ARID3A: variants seen among roughly 807,000 people sequenced by gnomAD.
ARID3A encodes the protein AT-rich interactive domain-containing protein 3A.
ARID3A carries 11 observed loss-of-function variants against 52.7 expected under a neutral mutation model. The ratio of observed to expected loss-of-function variants is 0.21; its 90% CI spans 0.13 to 0.35. The LOEUF is 0.35. Ranked by LOEUF, ARID3A falls within the 10% of genes least tolerant of loss-of-function variation. The pLI is 1.00. For missense variants in ARID3A, 721 were observed against 838.5 expected (o/e 0.86, Z 1.73); for synonymous variants, 404 against 359.4 (o/e 1.12, Z -1.40).
At chr19:970,498 CTTTTTTTT>C (rs1177419405) in intron 8 of ARID3A, among the ~76,000 whole-genome samples, 6 of 88,346 alleles carry the variant, frequency 6.8e-5, no homozygotes, top group East Asian at 5.8e-4. Context: ...AATAGTTTTT[CTTTTTTTT>C]TTTTTTTTTT....
Position 973,389 on chromosome 19 carries a change from C to T in ARID3A, c.*1324C>T. The T allele has an allele frequency of 5.3e-6, 1 of 187,128 alleles. No individual in the cohort carries two copies. Among genetic ancestry groups the T allele is most frequent in the Non-Finnish European group, 1.1e-5 (1 of 88,624 alleles). 11.6% of individuals were successfully genotyped at this position (187,128 alleles called of 1,614,324 possible). A position where few individuals can be genotyped will look rare whatever the true frequency, so the allele number is the denominator to read the frequency against. ...TTGGCCTCCCAAAGTGCTGGGATTA[C>T]AGGCATGAGCCGCCACGCTGGCCCG... On this transcript the variant is annotated 3_prime_UTR_variant, in exon 9 of 9. Coordinates refer to ENST00000263620, the MANE Select transcript of ARID3A (RefSeq NM_005224.3).
rs965296147 is a variant in ARID3A at position 935,545 on chromosome 19, C to G, written c.693+2803C>G. On this transcript the variant is annotated intron_variant, in intron 3 of 8. Transcript: ENST00000263620. ...TAGGCTGGAGTGTAGTGGTGCTGTC[C>G]TAACTCACTGCAGCCTCGATCTCCT... Among the ~76,000 whole-genome samples the G allele has an allele frequency of 3.3e-5, 5 of 152,068 alleles. No individual in the cohort carries two copies. In the East Asian group the frequency reaches 9.6e-4, roughly 29 times the overall value.
rs2038355981 is a variant in ARID3A at position 975,217 on chromosome 19, G to A, written c.*3152G>A. On this transcript the variant is annotated 3_prime_UTR_variant, in exon 9 of 9. Coordinates refer to ENST00000263620, the MANE Select transcript of ARID3A (RefSeq NM_005224.3). ...GGGTTCTAGTTCACTTGGGACCGTG[G>A]GGCCTGGCTGCGTACTGAGTGGGTG... 8.6e-6 allele frequency: 2 copies of A among 231,918 alleles called. No homozygotes were observed. The highest frequency in any genetic ancestry group is 4.4e-5 in the African/African-American group (2 of 45,238). 14.4% of individuals were successfully genotyped at this position (231,918 alleles called of 1,614,324 possible).
At position 964,764 on chromosome 19, in the gene ARID3A, T is replaced by G; in HGVS notation, c.951-69T>G. 5 of 1,556,954 alleles carry G rather than the reference T, an allele frequency of 3.2e-6. No individual in the cohort carries two copies. Among genetic ancestry groups the G allele is most frequent in the Non-Finnish European group, 4.4e-6 (5 of 1,148,174 alleles). ...GGTGGTGCCACAGTGGGGTTTACTT[T>G]GTACTGAAGGCCAAAGAGAGCCGTA... is the stretch of plus-strand genomic sequence containing the variant. On this transcript the variant is annotated intron_variant, in intron 5 of 8. Coordinates refer to ENST00000263620, the MANE Select transcript of ARID3A (RefSeq NM_005224.3). The surrounding 1 kb of genome is among the most constrained non-coding windows in gnomAD (Gnocchi z 5.7).
chr19:962,206 T>G (rs1454048515), intron 4 of ARID3A, among the ~76,000 whole-genome samples: 1 of 152,104 alleles, frequency 6.6e-6, no homozygotes, highest in African/African-American at 2.4e-5. Flanking sequence ...AATCTTCCTC[T>G]CCTTCACTCC....
At position 932,762 on chromosome 19, in the gene ARID3A, G is replaced by A. The variant is rs1461763418; in HGVS notation, c.693+20G>A. The A allele has an allele frequency of 5.6e-5, 87 of 1,546,112 alleles. No individual in the cohort carries two copies. Among genetic ancestry groups the A allele is most frequent in the African/African-American group, 8.2e-5 (6 of 72,736 alleles). On this transcript the variant is annotated intron_variant, in intron 3 of 8. Transcript: ENST00000263620. Reference sequence around the variant, plus strand: ...AAGCAGGTGAGTGGGCGCGTCCCGCGTGGCGGCTGAGGCACCTGCTCCTGG... The same window carrying A: ...AAGCAGGTGAGTGGGCGCGTCCCGCATGGCGGCTGAGGCACCTGCTCCTGG...
intron 1 of ARID3A, chr19:928,773 G>C (rs1205655933): frequency 6.6e-6 from 1 of 152,274 alleles, no homozygotes; most frequent in African/African-American, 2.4e-5. Context: ...CTTGGGCGTT[G>C]CTGTTGAGTT....
chr19:953,604 G>A (rs1221399015), intron 3 of ARID3A, among the ~76,000 whole-genome samples: 2 of 152,204 alleles, frequency 1.3e-5, no homozygotes, highest in Admixed American at 1.3e-4. Context: ...CTTCTGGGAA[G>A]AAAACCAAAG....
chr19:928,882 G>C (rs1296322187), intron 1 of ARID3A: 1 of 152,230 alleles, frequency 6.6e-6, no homozygotes, highest in Non-Finnish European at 1.5e-5. Context: ...CTGGAGGCCA[G>C]GCTGGGCCGC....
intron 3 of ARID3A, among the ~76,000 whole-genome samples, chr19:958,956 A>C (rs916418532): frequency 8.5e-5 from 13 of 152,124 alleles, no homozygotes; most frequent in African/African-American, 3.1e-4. Flanking sequence ...ACGCACAGAC[A>C]CTCATGCTCA....
In ARID3A at chr19:942,307, G is replaced by A. The variant is rs2037573480; in HGVS notation, c.693+9565G>A. ...TTACCTGACTGTCGATCCTGACTGG[G>A]GCGGTGGCGACATGGCCCCCGCAGC... On this transcript the variant is annotated intron_variant, in intron 3 of 8. Transcript: ENST00000263620. The surrounding 1 kb of genome is among the most constrained non-coding windows in gnomAD (Gnocchi z 8.1). 6.6e-6 allele frequency among the ~76,000 whole-genome samples: 1 copy of A among 152,174 alleles called. No individual in the cohort carries two copies. Among genetic ancestry groups the A allele is most frequent in the African/African-American group, 2.4e-5 (1 of 41,444 alleles).
intron 3 of ARID3A, among the ~76,000 whole-genome samples, chr19:953,285 G>A (rs1052162848): frequency 2.0e-5 from 3 of 152,120 alleles, no homozygotes; most frequent in African/African-American, 7.2e-5. Flanking sequence ...TCAACGTTTC[G>A]CCACAAACAA....
chr19:966,130 C>T (rs1164650994), intron 6 of ARID3A, among the ~76,000 whole-genome samples: 1 of 150,476 alleles, frequency 6.6e-6, no homozygotes, highest in East Asian at 2.0e-4. Flanking sequence ...CACTGCCCTC[C>T]AGCCTAAGCA....
rs912575461 is a variant in ARID3A at position 942,002 on chromosome 19, G to T, written c.693+9260G>T. Among the ~76,000 whole-genome samples the T allele has an allele frequency of 6.6e-6, 1 of 152,100 alleles. No individual in the cohort carries two copies. Among genetic ancestry groups the T allele is most frequent in the African/African-American group, 2.4e-5 (1 of 41,414 alleles). On this transcript the variant is annotated intron_variant, in intron 3 of 8. Transcript: ENST00000263620. The surrounding 1 kb of genome is among the most constrained non-coding windows in gnomAD (Gnocchi z 8.1). ...TCGCGGTGGGGCCTATTAACCATTA[G>T]ACCCCCGGGGCTGCTAGAGAGTGGC...
At chr19:968,267 G>A in intron 7 of ARID3A, 138 bp from the exon 8 acceptor site, 2 of 607,046 alleles carry the variant, frequency 3.3e-6, no homozygotes. Flanking sequence ...GCTGAGGCAG[G>A]AGAATGGCGT....
chr19:934,760 C>T (rs761148423), intron 3 of ARID3A, among the ~76,000 whole-genome samples: 10 of 152,070 alleles, frequency 6.6e-5, no homozygotes, highest in East Asian at 1.9e-4. Context: ...GGGAGGCCCC[C>T]GCCCTGCAGT....
chr19:954,635 C>A (rs985719455), intron 3 of ARID3A, among the ~76,000 whole-genome samples: 3 of 152,100 alleles, frequency 2.0e-5, no homozygotes, highest in Non-Finnish European at 2.9e-5. Context: ...GAGCCAGAAA[C>A]CCCGTGAGGC....
Position 947,112 on chromosome 19 carries a change from T to A in ARID3A, c.694-12980T>A, listed in dbSNP as rs1599402236. Reference sequence around the variant, plus strand: ...GCCCAGCCCACACTGAGATTCTGCATTGAAATGTTTGCTGGGTGCCCCCCA... The same window carrying A: ...GCCCAGCCCACACTGAGATTCTGCAATGAAATGTTTGCTGGGTGCCCCCCA... On this transcript the variant is annotated intron_variant, in intron 3 of 8. Transcript: ENST00000263620. The surrounding 1 kb of genome is among the most constrained non-coding windows in gnomAD (Gnocchi z 6.3). Among the ~76,000 whole-genome samples the A allele has an allele frequency of 6.6e-6, 1 of 152,080 alleles. No homozygotes were observed. Among genetic ancestry groups the A allele is most frequent in the Admixed American group, 6.5e-5 (1 of 15,268 alleles).
In ARID3A at chr19:944,401, A is replaced by C. The variant is rs1248517731; in HGVS notation, c.693+11659A>C. Among the ~76,000 whole-genome samples, 1 of 150,944 alleles carries C rather than the reference A, an allele frequency of 6.6e-6. No individual in the cohort carries two copies. The highest frequency in any genetic ancestry group is 2.4e-5 in the African/African-American group (1 of 40,942). On this transcript the variant is annotated intron_variant, in intron 3 of 8. Coordinates refer to ENST00000263620, the MANE Select transcript of ARID3A (RefSeq NM_005224.3). This position sits in a 1 kb window ranked among gnomAD's most constrained non-coding sequence, Gnocchi z 5.9. ...CTGCACGGAGGCCTGTCTGGGTAGG[A>C]GTGTCGGTGGGGGCGGTCCCACACG...
Sources: gnomAD v4.1 joint callset for allele counts (sites outside exome capture counted in the v4.1 genomes callset) on GRCh38, gnomAD v4.1.1 for gene constraint, Gnocchi (gnomAD v3.1) non-coding constraint, MANE v1.5 for transcripts, NCBI Gene and HGNC (gene_info 2026-07-23, HGNC 2026-07-21) for gene names.